The following TTC7A variants were observed in gnomAD, a reference collection of about 807,000 sequenced individuals.
TTC7A encodes tetratricopeptide repeat domain 7A, also known as tetratricopeptide repeat protein 7A.
In TTC7A, 110 loss-of-function variants were observed where a neutral mutation model predicts 103.7. That is an observed-to-expected ratio of 1.06 (90% CI 0.91 to 1.24). The LOEUF (loss-of-function observed/expected upper bound fraction) is 1.24, where lower values mean the gene tolerates loss of function less well. TTC7A is among the 50% of genes most tolerant of loss of function. The pLI, the probability that TTC7A is intolerant of heterozygous loss-of-function variation, is 0.00. For missense variants in TTC7A, 1,340 were observed against 1,116.3 expected (o/e 1.20, Z -2.86); for synonymous variants, 521 against 467.9 (o/e 1.11, Z -1.47).
chr2:47,055,374 C>G (rs149664358), intron 18 of TTC7A, among the ~76,000 whole-genome samples: 2,434 of 152,304 alleles, frequency 0.016, 41 homozygotes, highest in South Asian at 0.041. Flanking sequence ...CTCCTCCCTT[C>G]TTCAAGCCTC....
chr2:47,006,468 A>C (rs1313610696), intron 9 of TTC7A, among the ~76,000 whole-genome samples, 173 bp from the exon 10 acceptor site: 1 of 152,198 alleles, frequency 6.6e-6, no homozygotes, highest in African/African-American at 2.4e-5. Context: ...AGGGTCACAC[A>C]GCAAGCCAGG....
At position 46,941,805 on chromosome 2, in the gene TTC7A, T is replaced by C. The variant is rs1670424727; in HGVS notation, c.184+80T>C. 2.0e-6 allele frequency: 3 copies of C among 1,519,134 alleles called. No homozygotes were observed. The Admixed American group carries it at 6.1e-5, about 31-fold the overall frequency. The allele number at this position is 1,519,134 out of a possible 1,614,324, so 94.1% of individuals were successfully genotyped here. On this transcript the variant is annotated intron_variant, in intron 1 of 19. Transcript: ENST00000319190. This position sits in a 1 kb window ranked among gnomAD's most constrained non-coding sequence, Gnocchi z 4.2. ...TCCTCCAGGAAGCGCGCCCAGACAGTCCTCGGCCGACAGCGGGCGCCTGCC... is the reference window on the plus strand; with the variant it reads ...TCCTCCAGGAAGCGCGCCCAGACAGCCCTCGGCCGACAGCGGGCGCCTGCC...
chr2:46,999,867 C>T (rs915533340), intron 8 of TTC7A: 56 of 985,306 alleles, frequency 5.7e-5, no homozygotes, highest in Non-Finnish European at 6.5e-5. Context: ...GGGTACAGAG[C>T]CCTGGTGTTG....
intron 19 of TTC7A, among the ~76,000 whole-genome samples, chr2:47,071,982 C>A (rs558122586): frequency 5.3e-5 from 8 of 152,376 alleles, no homozygotes; most frequent in East Asian, 1.9e-4. Context: ...GCAGAACTCA[C>A]AGGGCTCAAA....
At chr2:47,071,873 C>T (rs1192772755) in intron 19 of TTC7A, among the ~76,000 whole-genome samples, 2 of 152,218 alleles carry the variant, frequency 1.3e-5, no homozygotes, top group East Asian at 3.8e-4. Flanking sequence ...TGTGGAAGCT[C>T]AATATAGAAA....
Position 47,060,918 on chromosome 2 carries a change from T to A in TTC7A, c.2302T>A (p.Tyr768Asn). Residue 768 changes from tyrosine to asparagine, a missense_variant, in exon 19 of 20, where the codon TAC (tyrosine) becomes AAC (asparagine). Physicochemically the swap from Tyr to Asn is moderately radical, Grantham distance 143. Coordinates refer to ENST00000319190, the MANE Select transcript of TTC7A (RefSeq NM_020458.4). ...KGNLEEAKQL[Y>N]KEALTVNPDG... ...CAACCTGGAGGAGGCCAAGCAGCTGTACAAGGAGGCGCTCACGGTGAACCC... is the reference window on the plus strand; with the variant it reads ...CAACCTGGAGGAGGCCAAGCAGCTGAACAAGGAGGCGCTCACGGTGAACCC... The A allele has an allele frequency of 6.2e-7, 1 of 1,614,120 alleles. No individual in the cohort carries two copies. Among genetic ancestry groups the A allele is most frequent in the Non-Finnish European group, 8.5e-7 (1 of 1,180,008 alleles).
At chr2:47,021,719 G>T (rs1174149795) in intron 11 of TTC7A, 143 bp from the exon 12 acceptor site, 7 of 710,864 alleles carry the variant, frequency 9.8e-6, no homozygotes, top group Non-Finnish European at 1.5e-5. Context: ...GATCTCTGGG[G>T]CAAGGGAAGC....
intron 19 of TTC7A, among the ~76,000 whole-genome samples, chr2:47,069,851 G>A (rs906716034): frequency 1.3e-5 from 2 of 152,226 alleles, no homozygotes; most frequent in South Asian, 2.1e-4. Flanking sequence ...GTCCCCAAAC[G>A]CAGGCTCCAG....
intron 5 of TTC7A, among the ~76,000 whole-genome samples, chr2:46,992,727 C>G (rs1344968514): frequency 6.6e-6 from 1 of 152,166 alleles, no homozygotes; most frequent in South Asian, 2.1e-4. Flanking sequence ...AGTGGGAATG[C>G]AAGATCTATT....
rs921433814 is a variant in TTC7A, at chr2:47,007,828, C to T, written c.1287+1104C>T. Among the ~76,000 whole-genome samples the T allele has an allele frequency of 6.6e-6, 1 of 152,240 alleles. No homozygotes were observed. Among genetic ancestry groups the T allele is most frequent in the Admixed American group, 6.5e-5 (1 of 15,292 alleles). ...TCACATCGGACACCTCACAGAGCAT[C>T]TTGAAGTCACAGCATGATCTCCTTG... On this transcript the variant is annotated intron_variant, in intron 10 of 19. Coordinates refer to ENST00000319190, the MANE Select transcript of TTC7A (RefSeq NM_020458.4). The surrounding 1 kb of genome is among the most constrained non-coding windows in gnomAD (Gnocchi z 4.9).
In TTC7A at chr2:46,941,656, C is replaced by G. The variant is rs1402854751; in HGVS notation, c.115C>G (p.Leu39Val). The G allele has an allele frequency of 1.3e-6, 2 of 1,552,242 alleles. No individual in the cohort carries two copies. Among genetic ancestry groups the G allele is most frequent in the Non-Finnish European group, 8.7e-7 (1 of 1,148,206 alleles). The change falls in exon 1 of 20, where the codon CTG becomes GTG. Residue 39 changes from leucine to valine, a missense_variant. Physicochemically the swap from Leu to Val is conservative, Grantham distance 32. Transcript: ENST00000319190. This position sits in a 1 kb window ranked among gnomAD's most constrained non-coding sequence, Gnocchi z 4.2. Reference protein sequence around the residue: ...MPELVRQLQTLSMPGGGGNRR... With the variant: ...MPELVRQLQTVSMPGGGGNRR... Reference sequence around the variant, plus strand: ...GGAGCTGGTCCGGCAGCTGCAGACGCTGAGCATGCCCGGCGGCGGAGGTAA... The same window carrying G: ...GGAGCTGGTCCGGCAGCTGCAGACGGTGAGCATGCCCGGCGGCGGAGGTAA...
chr2:47,053,539 T>G (rs201524157), intron 18 of TTC7A, among the ~76,000 whole-genome samples: 11 of 66,150 alleles, frequency 1.7e-4, no homozygotes, highest in East Asian at 8.1e-4. Context: ...TTTTTGTTTG[T>G]TTGTTTGGTT....
At chr2:46,963,562 G>A (rs917086459) in intron 3 of TTC7A, among the ~76,000 whole-genome samples, 28 of 152,126 alleles carry the variant, frequency 1.8e-4, no homozygotes, top group African/African-American at 6.8e-4. Context: ...TTTTCCCCTC[G>A]GACATCATGC....
In TTC7A at chr2:47,007,843, T is replaced by G. The variant is rs1677587183; in HGVS notation, c.1287+1119T>G. 6.6e-6 allele frequency among the ~76,000 whole-genome samples: 1 copy of G among 152,206 alleles called. No individual in the cohort carries two copies. The highest frequency in any genetic ancestry group is 6.5e-5 in the Admixed American group (1 of 15,288). ...CACAGAGCATCTTGAAGTCACAGCA[T>G]GATCTCCTTGGCTCTGTGCTCAGCA... On this transcript the variant is annotated intron_variant, in intron 10 of 19. Transcript: ENST00000319190. This position sits in a 1 kb window ranked among gnomAD's most constrained non-coding sequence, Gnocchi z 4.9.
intron 18 of TTC7A, among the ~76,000 whole-genome samples, chr2:47,055,617 G>A (rs1476362256): frequency 6.6e-6 from 1 of 152,128 alleles, no homozygotes; most frequent in Non-Finnish European, 1.5e-5. Flanking sequence ...AGCTGACAGT[G>A]GGCCAGAGCA....
At chr2:47,017,689 G>A (rs1205192730) in intron 11 of TTC7A, among the ~76,000 whole-genome samples, 1 of 152,192 alleles carries the variant, frequency 6.6e-6, no homozygotes, top group African/African-American at 2.4e-5. Context: ...GTGCGGGCCT[G>A]CGGAGGTGCC....
chr2:46,962,570 G>C (rs1373983862), intron 3 of TTC7A, among the ~76,000 whole-genome samples: 2 of 152,236 alleles, frequency 1.3e-5, no homozygotes, highest in African/African-American at 4.8e-5. Context: ...CATGCTCCTG[G>C]AGGGATGCAG....
Position 47,024,588 on chromosome 2 carries a change from C to G in TTC7A, c.1641+229C>G, listed in dbSNP as rs74443796. Among the ~76,000 whole-genome samples the G allele has an allele frequency of 0.043, 6,517 of 152,158 alleles. 173 individuals are homozygous for G. Among genetic ancestry groups the G allele is most frequent in the South Asian group, 0.094 (451 of 4,812 alleles). ...TACACAGGAAGGGCGTGTTCTCCGC[C>G]CTCACTCCCCCTACAACATTTCAGT... is the stretch of plus-strand genomic sequence containing the variant. On this transcript the variant is annotated intron_variant, in intron 14 of 19. Coordinates refer to ENST00000319190, the MANE Select transcript of TTC7A (RefSeq NM_020458.4).
intron 15 of TTC7A, among the ~76,000 whole-genome samples, chr2:47,030,340 G>C (rs1230550748): frequency 1.1e-4 from 17 of 152,220 alleles, no homozygotes; most frequent in South Asian, 4.1e-4. Context: ...GCCTAGGGAG[G>C]TTCCCATCAC....
Sources: allele counts gnomAD v4.1 joint callset (sites outside exome capture counted in the v4.1 genomes callset), GRCh38; gene constraint gnomAD v4.1.1; non-coding constraint Gnocchi (gnomAD v3.1); transcripts MANE v1.5; gene names NCBI Gene and HGNC (gene_info 2026-07-23, HGNC 2026-07-21).